Variants in SPTBN1 observed in about 807,000 individuals in gnomAD.
SPTBN1 encodes the protein spectrin beta chain, non-erythrocytic 1.
Under a neutral mutation model 266.4 loss-of-function variants are expected in SPTBN1, and 32 were observed. The observed-to-expected ratio is 0.12, with a 90% confidence interval of 0.09 to 0.16. The LOEUF is 0.16. SPTBN1 is among the 10% of genes least tolerant of loss of function. SPTBN1 has a pLI of 1.00. For synonymous variants in SPTBN1, 1,336 were observed against 1,162.2 expected, an observed-to-expected ratio of 1.15 and a Z score of -3.04; for missense variants, 2,296 against 3,067.1, an observed-to-expected ratio of 0.75 and a Z score of 5.94.
intron 32 of SPTBN1, chr2:54,661,064 G>A (rs116519227): frequency 1.0e-6 from 1 of 985,298 alleles, no homozygotes; most frequent in African/African-American, 1.7e-5. Context: ...GGCTTCAGAA[G>A]TCATGTCAGT....
Position 54,646,402 on chromosome 2 carries a change from A to C in SPTBN1, c.4793A>C (p.Tyr1598Ser), listed in dbSNP as rs778313944. ...LEEAHRAQQY[Y>S]FDAAEAEAWM... ...GAGGCGCACAGGGCCCAGCAGTACT[A>C]CTTTGACGCTGCTGAGGCCGAAGCC... Residue 1598 changes from tyrosine to serine, a missense_variant, in exon 23 of 36, where the codon TAC (tyrosine) becomes TCC (serine). Physicochemically the swap from Tyr to Ser is moderately radical, Grantham distance 144. Coordinates refer to ENST00000356805, the MANE Select transcript of SPTBN1 (RefSeq NM_003128.3). The surrounding 1 kb of genome is among the most constrained non-coding windows in gnomAD (Gnocchi z 4.4). The C allele has an allele frequency of 6.2e-7, 1 of 1,604,390 alleles. No homozygotes were observed. The highest frequency in any genetic ancestry group is 1.1e-5 in the South Asian group (1 of 90,104).
chr2:54,575,632 G>A (rs1447537584), intron 2 of SPTBN1, among the ~76,000 whole-genome samples: 1 of 152,258 alleles, frequency 6.6e-6, no homozygotes, highest in East Asian at 1.9e-4. Context: ...ACACAGAGAC[G>A]TGGATGTAGA....
intron 2 of SPTBN1, among the ~76,000 whole-genome samples, chr2:54,536,209 CAT>C (rs1558816739): frequency 6.6e-6 from 1 of 152,174 alleles, no homozygotes; most frequent in Non-Finnish European, 1.5e-5. Flanking sequence ...AAAGTACTAT[CAT>C]AGGATGATAA....
At chr2:54,555,445 A>G (rs932923729) in intron 2 of SPTBN1, among the ~76,000 whole-genome samples, 2 of 152,162 alleles carry the variant, frequency 1.3e-5, no homozygotes, top group Non-Finnish European at 2.9e-5. Flanking sequence ...ATCCTCCCAC[A>G]TACAGTTAGT....
At chr2:54,548,003 C>T (rs1672348923) in intron 2 of SPTBN1, among the ~76,000 whole-genome samples, 2 of 152,044 alleles carry the variant, frequency 1.3e-5, no homozygotes, top group South Asian at 4.2e-4. Flanking sequence ...ATTAGCCAGG[C>T]GTGGTGGCGG....
chr2:54,475,870 G>T (rs995347068), intron 1 of SPTBN1, among the ~76,000 whole-genome samples: 3 of 152,108 alleles, frequency 2.0e-5, no homozygotes, highest in African/African-American at 7.2e-5. Context: ...AACTTTTGAT[G>T]CTTCAAATTA....
At chr2:54,532,588 AG>A (rs1671322811) in intron 2 of SPTBN1, among the ~76,000 whole-genome samples, 1 of 152,208 alleles carries the variant, frequency 6.6e-6, no homozygotes, top group African/African-American at 2.4e-5. Context: ...GAAGCTGAGG[AG>A]AGCGTTGGTC....
chr2:54,546,974 A>AAC (rs1553444673), intron 2 of SPTBN1, among the ~76,000 whole-genome samples: 3 of 147,890 alleles, frequency 2.0e-5, no homozygotes, highest in East Asian at 2.0e-4. Flanking sequence ...AAAAAAAAAA[A>AAC]CCACATAACA....
At chr2:54,576,279 C>T (rs1343997253) in intron 2 of SPTBN1, among the ~76,000 whole-genome samples, 1 of 152,032 alleles carries the variant, frequency 6.6e-6, no homozygotes, top group African/African-American at 2.4e-5. Flanking sequence ...GTCTTAAACT[C>T]CTAACCTCAG....
Position 54,506,882 on chromosome 2 carries a change from C to G in SPTBN1, c.-47-19490C>G, listed in dbSNP as rs1558788461. 3.5e-5 allele frequency among the ~76,000 whole-genome samples: 3 copies of G among 84,834 alleles called. No individual in the cohort carries two copies. The South Asian group carries it at 1.5e-3, about 44-fold the overall frequency. The allele number at this position is 84,834 out of a possible 152,430, so 55.7% of individuals were successfully genotyped here. ...CAGAGAAAGTAAAGTTTAGGTTGAT[C>G]TGGTTCTCTCTCTTTTTTTTTTTTT... is the stretch of plus-strand genomic sequence containing the variant. On this transcript the variant is annotated intron_variant, in intron 1 of 35. Transcript: ENST00000356805.
chr2:54,655,540 A>G (rs956618926), intron 28 of SPTBN1, among the ~76,000 whole-genome samples: 2 of 152,214 alleles, frequency 1.3e-5, no homozygotes, highest in African/African-American at 2.4e-5. Context: ...GATTCTGGTT[A>G]GGATGGTGGT....
chr2:54,637,810 T>TAC lies in SPTBN1; in HGVS notation c.3858+8_3858+9dup. The TAC allele has an allele frequency of 6.2e-7, 1 of 1,608,120 alleles. No individual in the cohort carries two copies. Among genetic ancestry groups the TAC allele is most frequent in the South Asian group, 1.1e-5 (1 of 90,820 alleles). On this transcript the variant is annotated splice_region_variant and intron_variant, in intron 18 of 35. Coordinates refer to ENST00000356805, the MANE Select transcript of SPTBN1 (RefSeq NM_003128.3). Reference sequence around the variant, plus strand: ...CCTGCAAGATTGTCAAGAGGTATGTTACTCTTTAATCCCTCTATTCCTGTG... The same window carrying TAC: ...CCTGCAAGATTGTCAAGAGGTATGTTACACTCTTTAATCCCTCTATTCCTGTG...
Position 54,628,860 on chromosome 2 carries a change from A to G in SPTBN1, c.1799-73A>G. 6.6e-7 allele frequency: 1 copy of G among 1,505,940 alleles called. No individual in the cohort carries two copies. The highest frequency in any genetic ancestry group is 8.9e-7 in the Non-Finnish European group (1 of 1,126,644). The allele number at this position is 1,505,940 out of a possible 1,614,324, so 93.3% of individuals were successfully genotyped here. A position where few individuals can be genotyped will look rare whatever the true frequency, so the allele number is the denominator to read the frequency against. On this transcript the variant is annotated intron_variant, in intron 13 of 35. Coordinates refer to ENST00000356805, the MANE Select transcript of SPTBN1 (RefSeq NM_003128.3). This position sits in a 1 kb window ranked among gnomAD's most constrained non-coding sequence, Gnocchi z 4.3. Reference sequence around the variant, plus strand: ...ATCATAAGAATATGGGGTGTAGCTTACTGCCTGCCAGTGAGCCTGCACCCA... The same window carrying G: ...ATCATAAGAATATGGGGTGTAGCTTGCTGCCTGCCAGTGAGCCTGCACCCA...
chr2:54,507,369 G>T (rs1039442724), intron 1 of SPTBN1, among the ~76,000 whole-genome samples: 3 of 152,040 alleles, frequency 2.0e-5, no homozygotes, highest in Non-Finnish European at 2.9e-5. Context: ...TTTGGGGGGT[G>T]GTATGGAGAG....
At chr2:54,634,696 G>A (rs1177016556) in intron 17 of SPTBN1, among the ~76,000 whole-genome samples, 4 of 152,140 alleles carry the variant, frequency 2.6e-5, no homozygotes, top group Non-Finnish European at 4.4e-5. Flanking sequence ...TATAATCCCC[G>A]CTCCTCGAAA....
At chr2:54,491,982 C>G (rs1668709718) in intron 1 of SPTBN1, among the ~76,000 whole-genome samples, 1 of 152,048 alleles carries the variant, frequency 6.6e-6, no homozygotes, top group South Asian at 2.1e-4. Flanking sequence ...GGCTGGTAAA[C>G]AAATTTTGTT....
chr2:54,665,455 CT>C (rs1274173684), intron 33 of SPTBN1, among the ~76,000 whole-genome samples: 1 of 152,216 alleles, frequency 6.6e-6, no homozygotes, highest in Non-Finnish European at 1.5e-5. Flanking sequence ...ACTGTAAGTG[CT>C]GATGGCTCTG....
At chr2:54,552,608 C>T (rs1377854534) in intron 2 of SPTBN1, among the ~76,000 whole-genome samples, 3 of 152,064 alleles carry the variant, frequency 2.0e-5, no homozygotes, top group Non-Finnish European at 4.4e-5. Flanking sequence ...AGGCGCCCAC[C>T]ACCACACCTG....
chr2:54,620,612 G>A lies in SPTBN1; in HGVS notation c.764-788G>A, dbSNP rs118134887. On this transcript the variant is annotated intron_variant, in intron 7 of 35. Transcript: ENST00000356805. ...TGCAGTGAGCTATAATCATGTCACG[G>A]CATTCTAGCCTGGGTGACAGAGTGA... is the stretch of plus-strand genomic sequence containing the variant. 4.6e-3 allele frequency among the ~76,000 whole-genome samples: 697 copies of A among 152,240 alleles called. 45 individuals carry two copies. The East Asian group carries it at 0.12, about 26-fold the overall frequency.
Sources: gnomAD v4.1 joint callset for allele counts (sites outside exome capture counted in the v4.1 genomes callset) on GRCh38, gnomAD v4.1.1 for gene constraint, Gnocchi (gnomAD v3.1) non-coding constraint, MANE v1.5 for transcripts, NCBI Gene and HGNC (gene_info 2026-07-23, HGNC 2026-07-21) for gene names.